APBA2: variants seen among roughly 807,000 people sequenced by gnomAD.
The protein encoded by APBA2 is amyloid beta precursor protein binding family A member 2, also known as amyloid-beta A4 precursor protein-binding family A member 2.
APBA2 carries 30 observed loss-of-function variants against 75.0 expected under a neutral mutation model. That is an observed-to-expected ratio of 0.40 (90% CI 0.30 to 0.54). The LOEUF (loss-of-function observed/expected upper bound fraction) is 0.54. Ranked by LOEUF, APBA2 falls within the 20% of genes least tolerant of loss-of-function variation. The pLI is 0.49. For synonymous variants in APBA2, 444 were observed against 409.6 expected, an observed-to-expected ratio of 1.08 and a Z score of -1.01; for missense variants, 801 against 1,016.1, an observed-to-expected ratio of 0.79 and a Z score of 2.88.
At chr15:29,071,859 C>T (rs1389493487) in intron 4 of APBA2, among the ~76,000 whole-genome samples, 2 of 151,950 alleles carry the variant, frequency 1.3e-5, no homozygotes, top group Non-Finnish European at 2.9e-5. Context: ...GGAAAGGTCA[C>T]CCCTAGAGAC....
intron 3 of APBA2, among the ~76,000 whole-genome samples, chr15:29,025,514 C>T (rs1236369041): frequency 3.9e-5 from 6 of 151,990 alleles, no homozygotes; most frequent in African/African-American, 7.2e-5. Context: ...CCTTGTGATC[C>T]GCCTGCCTCG....
At chr15:28,903,259 G>T (rs1192929931) in intron 1 of APBA2, among the ~76,000 whole-genome samples, 1 of 152,176 alleles carries the variant, frequency 6.6e-6, no homozygotes, top group African/African-American at 2.4e-5. Flanking sequence ...CAGAGGCCAT[G>T]TTTTTTTGGG....
At chr15:28,956,742 C>T (rs1009846043) in intron 2 of APBA2, among the ~76,000 whole-genome samples, 83 of 152,310 alleles carry the variant, frequency 5.4e-4, no homozygotes, top group Non-Finnish European at 8.2e-4. Flanking sequence ...CTCCTCCCCT[C>T]ACCCCCTGGC....
intron 3 of APBA2, among the ~76,000 whole-genome samples, chr15:28,996,995 C>G (rs1264559497): frequency 6.6e-6 from 1 of 152,146 alleles, no homozygotes; most frequent in Non-Finnish European, 1.5e-5. Context: ...AGCACAAGGC[C>G]ACAAGTGTGG....
intron 2 of APBA2, among the ~76,000 whole-genome samples, chr15:28,988,265 T>G (rs1283407600): frequency 6.6e-6 from 1 of 151,604 alleles, no homozygotes; most frequent in African/African-American, 2.4e-5. Flanking sequence ...TTCTGTAGTG[T>G]GCCTTTTTTT....
At chr15:28,913,645 G>GTGCT (rs1318367622) in intron 1 of APBA2, among the ~76,000 whole-genome samples, 1 of 152,226 alleles carries the variant, frequency 6.6e-6, no homozygotes, top group Non-Finnish European at 1.5e-5. Context: ...GCCCCAGGAT[G>GTGCT]TGCTGGTGCT....
At chr15:29,082,332 C>T (rs541312325) in intron 6 of APBA2, among the ~76,000 whole-genome samples, 1 of 152,278 alleles carries the variant, frequency 6.6e-6, no homozygotes, top group East Asian at 1.9e-4. Context: ...CAGCCAAGCG[C>T]ATTAACATAG....
At chr15:28,919,998 T>C (rs1375661590) in intron 1 of APBA2, among the ~76,000 whole-genome samples, 1 of 152,184 alleles carries the variant, frequency 6.6e-6, no homozygotes, top group African/African-American at 2.4e-5. Context: ...TCCTCGGCCT[T>C]TGCATTTGCT....
chr15:29,027,846 C>T (rs1002946907), intron 3 of APBA2, among the ~76,000 whole-genome samples: 2 of 152,024 alleles, frequency 1.3e-5, no homozygotes, highest in African/African-American at 4.8e-5. Flanking sequence ...CATGATCCGC[C>T]CACCTTGAAG....
intron 2 of APBA2, among the ~76,000 whole-genome samples, chr15:28,947,026 C>T (rs1250441226): frequency 6.6e-6 from 1 of 152,216 alleles, no homozygotes; most frequent in African/African-American, 2.4e-5. Flanking sequence ...CAAGATTGAT[C>T]AGTTGTTCTC....
intron 2 of APBA2, among the ~76,000 whole-genome samples, chr15:28,947,027 A>T (rs1429270451): frequency 1.3e-5 from 2 of 152,210 alleles, no homozygotes; most frequent in Non-Finnish European, 2.9e-5. Context: ...AAGATTGATC[A>T]GTTGTTCTCT....
chr15:28,983,408 T>G (rs946887164), intron 2 of APBA2, among the ~76,000 whole-genome samples: 16 of 151,946 alleles, frequency 1.1e-4, no homozygotes, highest in Non-Finnish European at 2.4e-4. Context: ...GACACCAGAG[T>G]CCTGTTCTGA....
chr15:28,923,526 G>A (rs903049218), intron 2 of APBA2, among the ~76,000 whole-genome samples: 58 of 131,746 alleles, frequency 4.4e-4, no homozygotes, highest in Non-Finnish European at 4.3e-4. Context: ...AGAGAGTTCC[G>A]TTTCTCTAGC....
At chr15:28,929,766 T>A (rs1463825560) in intron 2 of APBA2, among the ~76,000 whole-genome samples, 1 of 152,246 alleles carries the variant, frequency 6.6e-6, no homozygotes, top group African/African-American at 2.4e-5. Flanking sequence ...TATCCATGTC[T>A]TGTTGATGGT....
chr15:28,973,571 T>A (rs1368322807), intron 2 of APBA2, among the ~76,000 whole-genome samples: 1 of 152,164 alleles, frequency 6.6e-6, no homozygotes, highest in Non-Finnish European at 1.5e-5. Flanking sequence ...CTTCATCCAA[T>A]GAAAAGATGA....
intron 2 of APBA2, among the ~76,000 whole-genome samples, chr15:28,958,501 C>T (rs866499227): frequency 1.3e-5 from 2 of 152,228 alleles, no homozygotes; most frequent in Non-Finnish European, 2.9e-5. Context: ...CCAGCAGTTT[C>T]GAGATTTGGC....
rs925904635 is a variant in APBA2, at chr15:29,046,300, A to G, written c.-40-7545A>G. Among the ~76,000 whole-genome samples the G allele has an allele frequency of 1.6e-4, 24 of 152,122 alleles. No homozygotes were observed. The highest frequency in any genetic ancestry group is 5.3e-4 in the African/African-American group (22 of 41,428). Reference sequence around the variant, plus strand: ...CTTGTTTCTACCTACGTTTTTGCCCACCTTTCCTTCTCACCTCCCCTTGGC... The same window carrying G: ...CTTGTTTCTACCTACGTTTTTGCCCGCCTTTCCTTCTCACCTCCCCTTGGC... On this transcript the variant is annotated intron_variant, in intron 3 of 14. Transcript: ENST00000683413. The surrounding 1 kb of genome is among the most constrained non-coding windows in gnomAD (Gnocchi z 5.0).
intron 3 of APBA2, among the ~76,000 whole-genome samples, chr15:29,002,645 T>A (rs943887582): frequency 2.6e-5 from 4 of 151,960 alleles, no homozygotes; most frequent in Non-Finnish European, 5.9e-5. Flanking sequence ...TTTTGTCCGT[T>A]GTTGGATTTG....
chr15:29,087,044 ATCTTGCCT>A lies in APBA2; in HGVS notation c.1070-6026_1070-6019del, dbSNP rs146556415. Among the ~76,000 whole-genome samples, 281 of 152,128 alleles carry A rather than the reference ATCTTGCCT, an allele frequency of 1.8e-3. 7 individuals carry two copies. The East Asian group carries it at 0.037, about 20-fold the overall frequency. Reference sequence around the variant, plus strand: ...TAGTGGATTAGACTCCCATATCTCCATCTTGCCTTCTTCACTTCACACTAAACCCTGGC... The same window carrying A: ...TAGTGGATTAGACTCCCATATCTCCATCTTCACTTCACACTAAACCCTGGC... On this transcript the variant is annotated intron_variant, in intron 6 of 14. Coordinates refer to ENST00000683413, the MANE Select transcript of APBA2 (RefSeq NM_001353788.2).
Sources: gnomAD v4.1 joint callset for allele counts (sites outside exome capture counted in the v4.1 genomes callset) on GRCh38, gnomAD v4.1.1 for gene constraint, Gnocchi (gnomAD v3.1) non-coding constraint, MANE v1.5 for transcripts, NCBI Gene and HGNC (gene_info 2026-07-23, HGNC 2026-07-21) for gene names.